Variants in EMCN observed in about 807,000 individuals in gnomAD.
EMCN encodes endomucin.
In EMCN, 37 loss-of-function variants were observed where a neutral mutation model predicts 38.4. That is an observed-to-expected ratio of 0.96 (90% confidence interval 0.74 to 1.27). The LOEUF is 1.27. Among genes scored for constraint, EMCN ranks in the 50% most tolerant of loss-of-function variants. The pLI is 0.00. For missense variants in EMCN, 318 were observed against 302.8 expected, an observed-to-expected ratio of 1.05 and a Z score of -0.37; for synonymous variants, 95 against 100.8, an observed-to-expected ratio of 0.94 and a Z score of 0.35.
chr4:100,436,799 G>A (rs918219824), intron 5 of EMCN, among the ~76,000 whole-genome samples: 29 of 152,114 alleles, frequency 1.9e-4, no homozygotes, highest in Admixed American at 1.2e-3. Flanking sequence ...CTTACAAGTC[G>A]GAGCTGAGCC....
chr4:100,404,606 T>C lies in EMCN; in HGVS notation c.*39+5676A>G, dbSNP rs146715657. Among the ~76,000 whole-genome samples, 167 of 152,282 alleles carry C rather than the reference T, an allele frequency of 1.1e-3. 1 individual carries two copies. Among genetic ancestry groups the C allele is most frequent in the African/African-American group, 3.8e-3 (160 of 41,572 alleles). ...TGTATCAGTATCATACTGTACTAGT[T>C]ACTGTAGCCTTGTAGTATCATTTGA... On this transcript the variant is annotated intron_variant, in intron 11 of 11. Coordinates refer to ENST00000296420, the MANE Select transcript of EMCN (RefSeq NM_016242.4).
At chr4:100,488,851 G>T (rs1313898964) in intron 1 of EMCN, among the ~76,000 whole-genome samples, 1 of 151,870 alleles carries the variant, frequency 6.6e-6, no homozygotes, top group Non-Finnish European at 1.5e-5. Flanking sequence ...AGTTATAAAG[G>T]GGTAAAATTT....
intron 3 of EMCN, among the ~76,000 whole-genome samples, chr4:100,472,279 C>T (rs1168076213): frequency 6.6e-6 from 1 of 151,136 alleles, no homozygotes; most frequent in Non-Finnish European, 1.5e-5. Flanking sequence ...GGATATAATA[C>T]TAACATATAA....
intron 3 of EMCN, among the ~76,000 whole-genome samples, chr4:100,473,559 C>A (rs115481338): frequency 6.6e-6 from 1 of 151,668 alleles, no homozygotes; most frequent in Non-Finnish European, 1.5e-5. Context: ...GAATTGCTAA[C>A]GAACATACAG....
chr4:100,468,105 A>G (rs1728373917), intron 3 of EMCN, among the ~76,000 whole-genome samples: 1 of 152,226 alleles, frequency 6.6e-6, no homozygotes, highest in African/African-American at 2.4e-5. Flanking sequence ...GACAAAACAT[A>G]ATGAATTTAT....
chr4:100,499,207 T>C (rs1281208867), intron 1 of EMCN, among the ~76,000 whole-genome samples: 1 of 152,230 alleles, frequency 6.6e-6, no homozygotes, highest in Non-Finnish European at 1.5e-5. Context: ...TTATATATTT[T>C]GTTAAGTAAA....
chr4:100,401,077 A>G (rs1383660428), intron 11 of EMCN, among the ~76,000 whole-genome samples: 1 of 152,094 alleles, frequency 6.6e-6, no homozygotes, highest in Non-Finnish European at 1.5e-5. Flanking sequence ...CAATTTATAA[A>G]CAATCAGAAT....
At chr4:100,417,184 G>A in intron 8 of EMCN, 43 bp from the exon 9 acceptor site, 2 of 1,608,464 alleles carry the variant, frequency 1.2e-6, no homozygotes, top group Non-Finnish European at 1.7e-6. Flanking sequence ...AAAGAAGTTG[G>A]CTACCATAAA....
intron 11 of EMCN, among the ~76,000 whole-genome samples, chr4:100,403,686 A>T (rs970191417): frequency 6.6e-6 from 1 of 151,958 alleles, no homozygotes; most frequent in Non-Finnish European, 1.5e-5. Context: ...TTACATTCTC[A>T]CCTGCAGTGT....
intron 11 of EMCN, among the ~76,000 whole-genome samples, chr4:100,398,617 G>A (rs1450264279): frequency 6.6e-6 from 1 of 151,924 alleles, no homozygotes; most frequent in Non-Finnish European, 1.5e-5. Flanking sequence ...TCAATCTTTG[G>A]TATTTCCTCC....
chr4:100,471,173 G>T (rs1296423207), intron 3 of EMCN, among the ~76,000 whole-genome samples: 1 of 151,740 alleles, frequency 6.6e-6, no homozygotes, highest in Non-Finnish European at 1.5e-5. Flanking sequence ...TCTTTGAAAA[G>T]ATATATAAAA....
At chr4:100,512,747 A>G (rs921914833) in intron 1 of EMCN, among the ~76,000 whole-genome samples, 2 of 151,622 alleles carry the variant, frequency 1.3e-5, no homozygotes, top group Non-Finnish European at 2.9e-5. Flanking sequence ...CGGAAGTTGC[A>G]GTGAGCCAAT....
chr4:100,447,652 T>C (rs1161242517), intron 4 of EMCN, 81 bp from the exon 5 acceptor site: 2 of 825,798 alleles, frequency 2.4e-6, no homozygotes, highest in African/African-American at 1.7e-5. Flanking sequence ...TTTCAGGTGG[T>C]AAATGAGTAT....
At chr4:100,430,308 C>A (rs553910171) in intron 5 of EMCN, among the ~76,000 whole-genome samples, 35 of 152,248 alleles carry the variant, frequency 2.3e-4, no homozygotes, top group African/African-American at 7.9e-4. Context: ...TCTGTGGTAT[C>A]AACCCCAAAA....
intron 1 of EMCN, among the ~76,000 whole-genome samples, chr4:100,496,395 G>A (rs536659974): frequency 1.4e-4 from 22 of 152,166 alleles, no homozygotes; most frequent in Non-Finnish European, 3.1e-4. Context: ...TTTGGCTGTA[G>A]CAGCTGCCTG....
At chr4:100,499,475 A>G (rs1468773772) in intron 1 of EMCN, among the ~76,000 whole-genome samples, 1 of 152,204 alleles carries the variant, frequency 6.6e-6, no homozygotes, top group African/African-American at 2.4e-5. Context: ...AGATGTTTAC[A>G]TTTTTTAATT....
chr4:100,513,403 T>C (rs1729676573), intron 1 of EMCN, among the ~76,000 whole-genome samples: 1 of 152,168 alleles, frequency 6.6e-6, no homozygotes, highest in African/African-American at 2.4e-5. Context: ...CATAAAGATG[T>C]ATGATTTTTT....
intron 1 of EMCN, among the ~76,000 whole-genome samples, chr4:100,503,792 C>T (rs990785017): frequency 8.6e-5 from 13 of 152,042 alleles, no homozygotes; most frequent in Non-Finnish European, 2.9e-5. Context: ...GGGAAAGATA[C>T]AGATATTTTA....
intron 5 of EMCN, among the ~76,000 whole-genome samples, chr4:100,424,244 C>T (rs537237974): frequency 6.6e-6 from 1 of 152,050 alleles, no homozygotes; most frequent in East Asian, 1.9e-4. Context: ...ACTTAGAAAA[C>T]TTTTTGAAAA....
Sources: gnomAD v4.1 joint callset for allele counts (sites outside exome capture counted in the v4.1 genomes callset) on GRCh38, gnomAD v4.1.1 for gene constraint, MANE v1.5 for transcripts, NCBI Gene and HGNC (gene_info 2026-07-23, HGNC 2026-07-21) for gene names.